WDFY4: variants seen among roughly 807,000 people sequenced by gnomAD.
WDFY4 encodes WDFY family member 4.
Under a neutral mutation model 351.9 loss-of-function variants are expected in WDFY4, and 169 were observed. The ratio of observed to expected loss-of-function variants is 0.48; its 90% CI spans 0.42 to 0.55. WDFY4 has a LOEUF of 0.55. Among genes scored for constraint, WDFY4 ranks in the 20% least tolerant of loss-of-function variants. The pLI, the probability that WDFY4 is intolerant of heterozygous loss-of-function variation, is 0.00. For synonymous variants in WDFY4, 1,622 were observed against 1,574.6 expected (o/e 1.03, Z -0.71); for missense variants, 3,803 against 3,935.6 (o/e 0.97, Z 0.90).
chr10:48,969,085 G>T lies in WDFY4; in HGVS notation c.8606G>T (p.Gly2869Val). ...GTAGATATGTACCTCTTTTCTCTAG[G>T]CTCAGAGTCCCCCAAAGGGGCCATT... ...TVKDMYLFSL[G>V]SESPKGAIGH... The change falls in exon 56 of 62, where the codon GGC becomes GTC. Residue 2869 changes from glycine to valine, a missense_variant. Physicochemically the swap from Gly to Val is moderately radical, Grantham distance 109. Around this residue, in one of 3 missense-constraint regions of WDFY4, gnomAD observed 3,054 missense variants for 3,148.6 expected, o/e 0.97. Transcript: ENST00000325239. The T allele has an allele frequency of 1.9e-6, 3 of 1,551,312 alleles. No homozygotes were observed. Among genetic ancestry groups the T allele is most frequent in the South Asian group, 1.2e-5 (1 of 84,034 alleles).
intron 12 of WDFY4, among the ~76,000 whole-genome samples, chr10:48,750,317 G>T (rs2065141883): frequency 6.6e-6 from 1 of 152,242 alleles, no homozygotes; most frequent in African/African-American, 2.4e-5. Context: ...GCTTTCCCAT[G>T]ATTCCCAGGA....
chr10:48,947,979 A>G (rs1206479435), intron 51 of WDFY4, among the ~76,000 whole-genome samples: 1 of 152,108 alleles, frequency 6.6e-6, no homozygotes, highest in Non-Finnish European at 1.5e-5. Context: ...AAGAACTGTG[A>G]GTTTGGGACT....
chr10:48,787,925 T>C (rs996294433), intron 20 of WDFY4, among the ~76,000 whole-genome samples: 20 of 80,482 alleles, frequency 2.5e-4, no homozygotes, highest in African/African-American at 7.9e-4. Flanking sequence ...CTTCTTCTTC[T>C]TCTTCTTCTT....
intron 22 of WDFY4, 149 bp downstream of exon 22, chr10:48,790,134 C>A: frequency 1.4e-6 from 1 of 726,976 alleles, no homozygotes; most frequent in Non-Finnish European, 2.4e-6. Context: ...GTGAATCCAG[C>A]CAGAGAGTTA....
At chr10:48,706,480 C>A (rs537786391) in intron 1 of WDFY4, among the ~76,000 whole-genome samples, 3 of 152,232 alleles carry the variant, frequency 2.0e-5, no homozygotes, top group East Asian at 3.9e-4. Context: ...GCAGCAAATG[C>A]GCAGTGAGAA....
chr10:48,787,913 TTCTTCTTC>T lies in WDFY4; in HGVS notation c.3809-615_3809-608del, dbSNP rs1589610460. Among the ~76,000 whole-genome samples the T allele has an allele frequency of 6.7e-4, 34 of 50,652 alleles. 2 individuals carry two copies. Among genetic ancestry groups the T allele is most frequent in the East Asian group, 3.4e-3 (6 of 1,762 alleles). 33.2% of individuals were successfully genotyped at this position (50,652 alleles called of 152,430 possible). On this transcript the variant is annotated intron_variant, in intron 20 of 61. Coordinates refer to ENST00000325239, the MANE Select transcript of WDFY4 (RefSeq NM_001394531.1). ...CTTCTCCTTCTTCTTCTTCTTCTTC[TTCTTCTTC>T]TTCTTCTTCTTCTTCTTCTTCTTCT...
chr10:48,774,497 C>T lies in WDFY4; in HGVS notation c.2593C>T (p.Gln865Ter). The T allele has an allele frequency of 6.4e-7, 1 of 1,551,750 alleles. No homozygotes were observed. The highest frequency in any genetic ancestry group is 8.7e-7 in the Non-Finnish European group (1 of 1,147,002). ...CCAGTGCTCCCTGGCCAGTCATATC[C>T]AGTCCCTGGTGAAGTCGGAGAAGAA... ...EIQCSLASHIQSLVKSEKNRQ... is the reference protein window; with the variant it reads ...EIQCSLASHI The change falls in exon 14 of 62, where the codon CAG (glutamine) becomes TAG (stop). Residue 865 changes from glutamine to a stop codon, truncating the protein, a stop_gained. Transcript: ENST00000325239. LOFTEE classifies it high-confidence loss of function.
rs755732470 is a variant in WDFY4 at position 48,733,968 on chromosome 10, A to G, written c.1620A>G (p.Glu540=). Residue 540 remains glutamate (E), a synonymous_variant, in exon 10 of 62, where the codon GAA becomes GAG. Coordinates refer to ENST00000325239, the MANE Select transcript of WDFY4 (RefSeq NM_001394531.1). Reference sequence around the variant, plus strand: ...CCACTCCTGGTGTTCAGGATCCAGAAAGAGAACTCACCTGTGTGATGCTGA... The same window carrying G: ...CCACTCCTGGTGTTCAGGATCCAGAGAGAGAACTCACCTGTGTGATGCTGA... The part of the protein sequence containing the change: ...KVSTPGVQDP[E]RELTCVMLRI... 83 of 1,551,692 alleles carry G rather than the reference A, an allele frequency of 5.3e-5. No homozygotes were observed. The highest frequency in any genetic ancestry group is 6.8e-5 in the Non-Finnish European group (78 of 1,147,018).
intron 43 of WDFY4, among the ~76,000 whole-genome samples, chr10:48,882,997 C>T (rs777351634): frequency 1.3e-5 from 2 of 152,188 alleles, no homozygotes; most frequent in South Asian, 2.1e-4. Flanking sequence ...CATGTGTTTT[C>T]GTTCCCTCTC....
In WDFY4 at chr10:48,731,336, A is replaced by G; in HGVS notation, c.1356A>G (p.Leu452=). 6.4e-7 allele frequency: 1 copy of G among 1,551,784 alleles called. No individual in the cohort carries two copies. Among genetic ancestry groups the G allele is most frequent in the Non-Finnish European group, 8.7e-7 (1 of 1,147,000 alleles). Residue 452 remains leucine, a synonymous_variant, in exon 9 of 62, where the codon CTA becomes CTG. Transcript: ENST00000325239. ...TGCAGGAACACTTCTTCCAGCTTCT[A>G]GAGGCCCTGGTGTTCGAGCTGCACT... The part of the protein sequence containing the change: ...APVQEHFFQL[L]EALVFELHYV...
intron 31 of WDFY4, among the ~76,000 whole-genome samples, chr10:48,814,960 C>T (rs918950449): frequency 1.3e-5 from 2 of 152,142 alleles, no homozygotes; most frequent in African/African-American, 4.8e-5. Flanking sequence ...AGTGAAAAAA[C>T]ATGGTAATCA....
intron 35 of WDFY4, among the ~76,000 whole-genome samples, chr10:48,825,323 T>C (rs1290006509): frequency 6.6e-6 from 1 of 152,236 alleles, no homozygotes; most frequent in Admixed American, 6.5e-5. Context: ...TATTCCATGG[T>C]ATATATACAC....
chr10:48,823,772 A>G (rs1589694190), intron 35 of WDFY4: 1 of 990,550 alleles, frequency 1.0e-6, no homozygotes, highest in East Asian at 1.1e-4. Flanking sequence ...ACCAGGCCTG[A>G]GGGCTCGGCT....
chr10:48,954,073 C>T (rs1841472436), intron 51 of WDFY4, among the ~76,000 whole-genome samples: 1 of 152,134 alleles, frequency 6.6e-6, no homozygotes, highest in Admixed American at 6.5e-5. Flanking sequence ...ATTATTTTGC[C>T]CTCAATTTTG....
At chr10:48,738,832 G>T (rs1251487870) in intron 11 of WDFY4, among the ~76,000 whole-genome samples, 2 of 152,156 alleles carry the variant, frequency 1.3e-5, no homozygotes, top group Non-Finnish European at 2.9e-5. Context: ...TTCTTATAAA[G>T]GTTTCCCATC....
At chr10:48,805,572 G>C in intron 26 of WDFY4, 151 bp downstream of exon 26, 1 of 717,230 alleles carries the variant, frequency 1.4e-6, no homozygotes. Context: ...TTGGGGAAAG[G>C]ATGGTTTGCT....
At chr10:48,940,901 A>C (rs1447673897) in intron 47 of WDFY4, among the ~76,000 whole-genome samples, 1 of 152,300 alleles carries the variant, frequency 6.6e-6, no homozygotes, top group East Asian at 1.9e-4. Context: ...GCAGTCCACA[A>C]TGGGACTTCT....
In WDFY4 at chr10:48,743,153, G is replaced by A. The variant is rs141273838; in HGVS notation, c.2064G>A (p.Val688=). The A allele has an allele frequency of 4.3e-3, 6,601 of 1,551,666 alleles. 47 individuals carry two copies. The highest frequency in any genetic ancestry group is 0.024 in the Middle Eastern group (142 of 5,992). The change falls in exon 12 of 62, where the codon GTG becomes GTA. Residue 688 remains valine (V), a synonymous_variant. Coordinates refer to ENST00000325239, the MANE Select transcript of WDFY4 (RefSeq NM_001394531.1). ...LELVLYTLCA[V]SAALHWDPVN... ...TGGTTTTGTACACTCTCTGTGCTGT[G>A]TCCGCAGCGCTGCACTGGGACCCTG...
At chr10:48,696,713 C>T (rs578011806) in intron 1 of WDFY4, among the ~76,000 whole-genome samples, 60 of 152,358 alleles carry the variant, frequency 3.9e-4, no homozygotes, top group Admixed American at 8.5e-4. Context: ...CTTACAAAGG[C>T]CATGTGGGCT....
Sources: gnomAD v4.1 joint callset for allele counts (sites outside exome capture counted in the v4.1 genomes callset) on GRCh38, gnomAD v4.1.1 for gene constraint, gnomAD v4.1.1 regional missense constraint, MANE v1.5 for transcripts, NCBI Gene and HGNC (gene_info 2026-07-23, HGNC 2026-07-21) for gene names.